IRF9: variants seen among roughly 807,000 people sequenced by gnomAD.
The protein encoded by IRF9 is IFN-alpha-responsive transcription factor subunit.
In IRF9, 13 loss-of-function variants were observed where a neutral mutation model predicts 44.1. That is an observed-to-expected ratio of 0.29 (90% confidence interval 0.19 to 0.47). The LOEUF is 0.47. Ranked by LOEUF, IRF9 falls within the 20% of genes least tolerant of loss-of-function variation. The pLI is 1.00. For missense variants in IRF9, 373 were observed against 496.1 expected, an observed-to-expected ratio of 0.75 and a Z score of 2.36; for synonymous variants, 189 against 188.5, an observed-to-expected ratio of 1.00 and a Z score of -0.02.
chr14:24,162,029 A>G (rs998795243), intron 1 of IRF9, 115 bp from the exon 2 acceptor site: 12 of 942,376 alleles, frequency 1.3e-5, no homozygotes, highest in South Asian at 9.4e-5. Context: ...CTAAAAGAAG[A>G]TGGATGGGAT....
chr14:24,164,973 G>T lies in IRF9; in HGVS notation c.991+18G>T. ...CTGCAGAGGTGAGGCTGTTCTCTCTGGGCACATGAGCTTCCACCCCCTACC... is the reference window on the plus strand; with the variant it reads ...CTGCAGAGGTGAGGCTGTTCTCTCTTGGCACATGAGCTTCCACCCCCTACC... On this transcript the variant is annotated intron_variant, in intron 7 of 8. Transcript: ENST00000396864. The surrounding 1 kb of genome is among the most constrained non-coding windows in gnomAD (Gnocchi z 5.2). 2 of 1,608,634 alleles carry T rather than the reference G, an allele frequency of 1.2e-6. No individual in the cohort carries two copies. Among genetic ancestry groups the T allele is most frequent in the South Asian group, 1.1e-5 (1 of 90,992 alleles).
In IRF9 at chr14:24,164,589, C is replaced by A. The variant is rs552136345; in HGVS notation, c.650-25C>A. 11 of 1,547,092 alleles carry A rather than the reference C, an allele frequency of 7.1e-6. No individual in the cohort carries two copies. The Admixed American group carries it at 2.0e-4, about 29-fold the overall frequency. ...TGCCAGCCTGCATGCTCCTCCAGCA[C>A]CAGGTAGGGCTGTTCTATCCCCAGA... On this transcript the variant is annotated intron_variant, in intron 6 of 8. Coordinates refer to ENST00000396864, the MANE Select transcript of IRF9 (RefSeq NM_006084.5). The surrounding 1 kb of genome is among the most constrained non-coding windows in gnomAD (Gnocchi z 5.2).
chr14:24,164,011 CAA>C lies in IRF9; in HGVS notation c.578-51_578-50del, dbSNP rs772396632. 2 of 1,612,284 alleles carry C rather than the reference CAA, an allele frequency of 1.2e-6. No homozygotes were observed. Among genetic ancestry groups the C allele is most frequent in the Non-Finnish European group, 1.7e-6 (2 of 1,178,842 alleles). On this transcript the variant is annotated intron_variant, in intron 5 of 8. Coordinates refer to ENST00000396864, the MANE Select transcript of IRF9 (RefSeq NM_006084.5). The surrounding 1 kb of genome is among the most constrained non-coding windows in gnomAD (Gnocchi z 5.2). The stretch of plus-strand genomic sequence containing the variant: ...GTCCCCCATGCCACACCCTCTGGCC[CAA>C]GACTCCCCAGTCCCACTCTGAATGA...
At chr14:24,161,993 CAT>C (rs2038462681) in intron 1 of IRF9, 149 bp from the exon 2 acceptor site, 9 of 699,760 alleles carry the variant, frequency 1.3e-5, no homozygotes, top group Non-Finnish European at 2.0e-5. Context: ...AATTCTGTCC[CAT>C]AGAGTGTTGA....
Position 24,164,332 on chromosome 14 carries a change from A to C in IRF9, c.649+198A>C. ...AAAAAGCTTGCTTCCCAAAAATACC[A>C]CCCTATACACTCTCCTGGAAATCTA... On this transcript the variant is annotated intron_variant, in intron 6 of 8. Transcript: ENST00000396864. This position sits in a 1 kb window ranked among gnomAD's most constrained non-coding sequence, Gnocchi z 5.2. 1.6e-6 allele frequency: 1 copy of C among 611,966 alleles called. No individual in the cohort carries two copies. Among genetic ancestry groups the C allele is most frequent in the South Asian group, 2.0e-5 (1 of 48,830 alleles). The allele number at this position is 611,966 out of a possible 1,614,324, so 37.9% of individuals were successfully genotyped here. A position where few individuals can be genotyped will look rare whatever the true frequency, so the allele number is the denominator to read the frequency against.
At chr14:24,162,017 A>C in intron 1 of IRF9, 127 bp from the exon 2 acceptor site, 1 of 837,538 alleles carries the variant, frequency 1.2e-6, no homozygotes, top group Non-Finnish European at 1.9e-6. Flanking sequence ...ATGTGTTTGG[A>C]GCTAAAAGAA....
rs201356369 is a variant in IRF9, at chr14:24,166,356, A to C, written c.*160A>C. ...AATCCTCGCACACACTGGCTGGTGG[A>C]GAACTCAAGGCTAATTTTTTATCCT... On this transcript the variant is annotated 3_prime_UTR_variant, in exon 9 of 9. Coordinates refer to ENST00000396864, the MANE Select transcript of IRF9 (RefSeq NM_006084.5). 6.2e-6 allele frequency: 4 copies of C among 649,312 alleles called. No individual in the cohort carries two copies. In the Admixed American group the frequency reaches 8.4e-5, roughly 14 times the overall value. The allele number at this position is 649,312 out of a possible 1,614,324, so 40.2% of individuals were successfully genotyped here. A position where few individuals can be genotyped will look rare whatever the true frequency, so the allele number is the denominator to read the frequency against.
chr14:24,162,693 G>C (rs879446075), intron 2 of IRF9: 2 of 451,032 alleles, frequency 4.4e-6, no homozygotes, highest in Non-Finnish European at 7.9e-6. Context: ...CCAGCTACTC[G>C]GGAGACTGAG....
In IRF9 at chr14:24,164,520, G is replaced by T; in HGVS notation, c.650-94G>T. ...AACCTGAGAGGAAGCCCCCTGGCTG[G>T]TGTGGGGAGGGGAGGTGGAGTTGTT... On this transcript the variant is annotated intron_variant, in intron 6 of 8. Transcript: ENST00000396864. This position sits in a 1 kb window ranked among gnomAD's most constrained non-coding sequence, Gnocchi z 5.2. 8.2e-7 allele frequency: 1 copy of T among 1,216,644 alleles called. No individual in the cohort carries two copies. The highest frequency in any genetic ancestry group is 1.5e-5 in the African/African-American group (1 of 66,024). 75.4% of individuals were successfully genotyped at this position (1,216,644 alleles called of 1,614,324 possible).
intron 2 of IRF9, 37 bp downstream of exon 2, chr14:24,162,361 G>A (rs1298824257): frequency 1.3e-6 from 2 of 1,589,436 alleles, no homozygotes; most frequent in Non-Finnish European, 1.7e-6. Context: ...CTCTGTGTGT[G>A]GGATGGTGTA....
chr14:24,162,791 C>G (rs1419782815), intron 2 of IRF9, 175 bp from the exon 3 acceptor site: 3 of 574,830 alleles, frequency 5.2e-6, no homozygotes, highest in Non-Finnish European at 9.1e-6. Context: ...GAGTGAGACT[C>G]TGTCTCAAAA....
At chr14:24,165,014 G>A (rs575800425) in intron 7 of IRF9, 59 bp downstream of exon 7, 318 of 1,533,016 alleles carry the variant, frequency 2.1e-4, no homozygotes, top group Non-Finnish European at 2.5e-4. Flanking sequence ...GTACCCCCTG[G>A]GCCCAACTTG....
In IRF9 at chr14:24,166,270, C is replaced by T. The variant is rs765290590; in HGVS notation, c.*74C>T. 42 of 1,248,006 alleles carry T rather than the reference C, an allele frequency of 3.4e-5. No homozygotes were observed. The highest frequency in any genetic ancestry group is 2.7e-4 in the African/African-American group (18 of 67,872). The allele number at this position is 1,248,006 out of a possible 1,614,324, so 77.3% of individuals were successfully genotyped here. On this transcript the variant is annotated 3_prime_UTR_variant, in exon 9 of 9. Coordinates refer to ENST00000396864, the MANE Select transcript of IRF9 (RefSeq NM_006084.5). Reference sequence around the variant, plus strand: ...CTTTGAAGTAGACTCATTCTTCACACGATTGACCTGTCCTCTTTGTGATAA... The same window carrying T: ...CTTTGAAGTAGACTCATTCTTCACATGATTGACCTGTCCTCTTTGTGATAA...
At chr14:24,162,376 C>CCATCCCACACACAG in intron 2 of IRF9, 52 bp downstream of exon 2, 1 of 1,530,164 alleles carries the variant, frequency 6.5e-7, no homozygotes, top group Non-Finnish European at 8.9e-7. Context: ...GGTGTATACA[C>CCATCCCACACACAG]ACTGGTACAC....
chr14:24,162,635 A>C (rs2038474422), intron 2 of IRF9: 1 of 411,662 alleles, frequency 2.4e-6, no homozygotes, highest in Non-Finnish European at 4.4e-6. Flanking sequence ...CCCTGTCTCT[A>C]CTAAAAATAC....
At position 24,163,911 on chromosome 14, in the gene IRF9, T is replaced by G. The variant is rs775317611; in HGVS notation, c.529T>G (p.Ser177Ala). 1.9e-6 allele frequency: 3 copies of G among 1,602,296 alleles called. No homozygotes were observed. The highest frequency in any genetic ancestry group is 2.5e-6 in the Non-Finnish European group (3 of 1,177,056). ...GGGGGCCAGTGGGGGAGCAGTCCAT[T>G]CAGACATTGGGAGCAGCAGCAGCAG... ...EEGASGGAVH[S>A]DIGSSSSSSS... is the part of the protein sequence containing the mutation. The change falls in exon 5 of 9, where the codon TCA becomes GCA. Residue 177 changes from serine to alanine, a missense_variant. Coordinates refer to ENST00000396864, the MANE Select transcript of IRF9 (RefSeq NM_006084.5).
intron 2 of IRF9, chr14:24,162,717 T>C: frequency 2.1e-6 from 1 of 481,102 alleles, no homozygotes; most frequent in Non-Finnish European, 3.7e-6. Context: ...GGAGAATCGC[T>C]TGAACCAGGG....
chr14:24,164,218 C>T lies in IRF9; in HGVS notation c.649+84C>T, dbSNP rs2038495717. ...ACTATGCATGCATTATCTAGTCAGTCAGGGCTTACAGCAAACTGTACCCAC... is the reference window on the plus strand; with the variant it reads ...ACTATGCATGCATTATCTAGTCAGTTAGGGCTTACAGCAAACTGTACCCAC... On this transcript the variant is annotated intron_variant, in intron 6 of 8. Coordinates refer to ENST00000396864, the MANE Select transcript of IRF9 (RefSeq NM_006084.5). This position sits in a 1 kb window ranked among gnomAD's most constrained non-coding sequence, Gnocchi z 5.2. 8.7e-7 allele frequency: 1 copy of T among 1,146,716 alleles called. No homozygotes were observed. Among genetic ancestry groups the T allele is most frequent in the Admixed American group, 1.7e-5 (1 of 57,566 alleles). The allele number at this position is 1,146,716 out of a possible 1,614,324, so 71.0% of individuals were successfully genotyped here. A position where few individuals can be genotyped will look rare whatever the true frequency, so the allele number is the denominator to read the frequency against.
At chr14:24,162,091 T>C in intron 1 of IRF9, 53 bp from the exon 2 acceptor site, 1 of 1,551,900 alleles carries the variant, frequency 6.4e-7, no homozygotes, top group Non-Finnish European at 8.8e-7. Context: ...TCTCAGGAGA[T>C]GTTCCCTCCC....
Sources: gnomAD v4.1 joint callset for allele counts on GRCh38, gnomAD v4.1.1 for gene constraint, Gnocchi (gnomAD v3.1) non-coding constraint, MANE v1.5 for transcripts, NCBI Gene and HGNC (gene_info 2026-07-23, HGNC 2026-07-21) for gene names.